NTM: variants seen among roughly 807,000 people sequenced by gnomAD.
NTM encodes neurotrimin.
A neutral mutation model predicts 42.1 loss-of-function variants in NTM; 13 were observed. The observed-to-expected ratio is 0.31, with a 90% CI of 0.20 to 0.49. The LOEUF (loss-of-function observed/expected upper bound fraction) is 0.49. Ranked by LOEUF, NTM falls within the 20% of genes least tolerant of loss-of-function variation. The pLI is 0.99. For missense variants in NTM, 373 were observed against 452.8 expected (o/e 0.82, Z 1.60); for synonymous variants, 187 against 179.2 (o/e 1.04, Z -0.35).
chr11:132,186,828 CCTT>C (rs2078473731), intron 3 of NTM, among the ~76,000 whole-genome samples: 1 of 152,158 alleles, frequency 6.6e-6, no homozygotes, highest in South Asian at 2.1e-4. Flanking sequence ...GCAGGTTTGC[CCTT>C]CTTCCAGTTC....
chr11:131,599,429 G>A (rs1421007549), intron 1 of NTM, among the ~76,000 whole-genome samples: 2 of 151,922 alleles, frequency 1.3e-5, no homozygotes, highest in African/African-American at 4.8e-5. Flanking sequence ...ACCTCAAGGG[G>A]ACGGAAGGGA....
intron 1 of NTM, among the ~76,000 whole-genome samples, chr11:131,691,158 A>C (rs2074632517): frequency 6.6e-6 from 1 of 152,152 alleles, no homozygotes; most frequent in Non-Finnish European, 1.5e-5. Flanking sequence ...AGGGCGCACC[A>C]GGGGCCCAGG....
rs2054204989 is a variant in NTM, at chr11:131,548,313, G to GA, written c.82+177432dup. 5.9e-5 allele frequency among the ~76,000 whole-genome samples: 9 copies of GA among 151,922 alleles called. No individual in the cohort carries two copies. The South Asian group carries it at 1.9e-3, about 32-fold the overall frequency. ...ATTTTTCCAAGTCGATCTTATCCAG[G>GA]AAAAAAACATCCCCCAGGCAGTACA... On this transcript the variant is annotated intron_variant, in intron 1 of 8. Transcript: ENST00000683400.
chr11:131,573,766 C>A (rs2057676035), intron 1 of NTM, among the ~76,000 whole-genome samples: 1 of 152,184 alleles, frequency 6.6e-6, no homozygotes, highest in African/African-American at 2.4e-5. Flanking sequence ...AAAGATCGGG[C>A]CCTTTCTCTT....
At chr11:132,147,904 G>C (rs1201589166) in intron 3 of NTM, among the ~76,000 whole-genome samples, 2 of 152,198 alleles carry the variant, frequency 1.3e-5, no homozygotes, top group Non-Finnish European at 2.9e-5. Context: ...GAGGCCTGCT[G>C]TTTGACAGTA....
At chr11:132,144,086 A>G (rs2069787952) in intron 2 of NTM, among the ~76,000 whole-genome samples, 1 of 152,184 alleles carries the variant, frequency 6.6e-6, no homozygotes, top group African/African-American at 2.4e-5. Context: ...TGCATTTCTG[A>G]TGAGCTCCCA....
chr11:132,085,161 C>T (rs1057463002), intron 2 of NTM, among the ~76,000 whole-genome samples: 1 of 152,136 alleles, frequency 6.6e-6, no homozygotes, highest in African/African-American at 2.4e-5. Flanking sequence ...TATCCCAAGG[C>T]AAAAATGTAC....
At chr11:131,439,579 G>A (rs1295729364) in intron 1 of NTM, among the ~76,000 whole-genome samples, 1 of 152,240 alleles carries the variant, frequency 6.6e-6, no homozygotes, top group Non-Finnish European at 1.5e-5. Context: ...TGTGCTAGCA[G>A]CGAGCAAAGC....
intron 7 of NTM, among the ~76,000 whole-genome samples, chr11:132,319,729 G>A (rs910780235): frequency 3.3e-5 from 5 of 152,246 alleles, no homozygotes; most frequent in Non-Finnish European, 7.3e-5. Context: ...AGTAACCTCT[G>A]CAGACTTAAA....
At chr11:132,197,609 A>G (rs184357795) in intron 3 of NTM, among the ~76,000 whole-genome samples, 174 of 149,834 alleles carry the variant, frequency 1.2e-3, no homozygotes, top group African/African-American at 4.0e-3. Flanking sequence ...TTAACTCGTC[A>G]TTGACATTAG....
At chr11:131,849,115 A>G (rs1345301893) in intron 1 of NTM, among the ~76,000 whole-genome samples, 2 of 152,190 alleles carry the variant, frequency 1.3e-5, no homozygotes, top group African/African-American at 4.8e-5. Flanking sequence ...TATCAATGGC[A>G]TGTTTCAAGC....
chr11:131,409,976 A>AG (rs773097975), intron 1 of NTM, among the ~76,000 whole-genome samples: 3 of 152,104 alleles, frequency 2.0e-5, no homozygotes, highest in Non-Finnish European at 4.4e-5. Context: ...CAGGTAGAGG[A>AG]GGGGGCCTCT....
intron 2 of NTM, among the ~76,000 whole-genome samples, chr11:131,995,205 A>C (rs1005654811): frequency 3.3e-5 from 5 of 152,154 alleles, no homozygotes; most frequent in Non-Finnish European, 7.3e-5. Context: ...CAGGTCATGA[A>C]ACATCTTCTT....
At chr11:131,738,580 C>T (rs1172540176) in intron 1 of NTM, among the ~76,000 whole-genome samples, 2 of 152,204 alleles carry the variant, frequency 1.3e-5, no homozygotes, top group African/African-American at 2.4e-5. Context: ...TTCAGGGAAA[C>T]TGTGGCTCCC....
At chr11:131,476,250 A>G (rs904586567) in intron 1 of NTM, among the ~76,000 whole-genome samples, 1 of 152,248 alleles carries the variant, frequency 6.6e-6, no homozygotes, top group African/African-American at 2.4e-5. Context: ...GCACTCTTCC[A>G]TGCTATCTAC....
chr11:131,493,387 T>C (rs1954999874), intron 1 of NTM, among the ~76,000 whole-genome samples: 1 of 152,106 alleles, frequency 6.6e-6, no homozygotes, highest in African/African-American at 2.4e-5. Context: ...CCAAGACCCA[T>C]GGAAAAAAAG....
chr11:131,672,321 G>A (rs1053830107), intron 1 of NTM, among the ~76,000 whole-genome samples: 2 of 152,236 alleles, frequency 1.3e-5, no homozygotes, highest in African/African-American at 2.4e-5. Flanking sequence ...GGGGCCAGGT[G>A]AAGGCAGAGG....
At chr11:131,926,964 A>G (rs1318450597) in intron 2 of NTM, among the ~76,000 whole-genome samples, 1 of 152,236 alleles carries the variant, frequency 6.6e-6, no homozygotes, top group Non-Finnish European at 1.5e-5. Flanking sequence ...CCAAGATATT[A>G]CATTGTGAAA....
chr11:132,292,787 TAAAA>T (rs61603794), intron 4 of NTM, among the ~76,000 whole-genome samples: 3 of 56,572 alleles, frequency 5.3e-5, no homozygotes, highest in Non-Finnish European at 9.1e-5. Flanking sequence ...GATGTAAAAG[TAAAA>T]AAAAAAAAAA....
Sources: gnomAD v4.1 joint callset for allele counts (sites outside exome capture counted in the v4.1 genomes callset) on GRCh38, gnomAD v4.1.1 for gene constraint, MANE v1.5 for transcripts, NCBI Gene and HGNC (gene_info 2026-07-23, HGNC 2026-07-21) for gene names.